The following NXPE3 variants were observed in gnomAD, a reference collection of about 807,000 sequenced individuals.
NXPE3 encodes neurexophilin and PC-esterase domain family member 3, also known as NXPE family member 3.
Under a neutral mutation model 46.1 loss-of-function variants are expected in NXPE3, and 26 were observed. The ratio of observed to expected loss-of-function variants is 0.56; its 90% CI spans 0.41 to 0.78. NXPE3 has a LOEUF of 0.78. Among genes scored for constraint, NXPE3 ranks in the 30% least tolerant of loss-of-function variants. The probability of loss-of-function intolerance (pLI) is 0.00; values close to 1 mark genes in which losing one functional copy is unlikely to be tolerated. For missense variants in NXPE3, 620 were observed against 686.0 expected (o/e 0.90, Z 1.07); for synonymous variants, 272 against 257.9 (o/e 1.05, Z -0.52).
chr3:101,821,890 A>G lies in NXPE3; in HGVS notation c.1616A>G (p.Asp539Gly). 1 of 1,614,174 alleles carries G rather than the reference A, an allele frequency of 6.2e-7. No individual in the cohort carries two copies. Among genetic ancestry groups the G allele is most frequent in the Non-Finnish European group, 8.5e-7 (1 of 1,180,038 alleles). ...AHYLPHKLHP[D>G]EVIVKNQLDM... Reference sequence around the variant, plus strand: ...TATCTACCGCACAAGCTGCATCCAGATGAAGTTATTGTGAAGAACCAGCTG... The same window carrying G: ...TATCTACCGCACAAGCTGCATCCAGGTGAAGTTATTGTGAAGAACCAGCTG... Residue 539 changes from aspartate to glycine, a missense_variant, in exon 8 of 8, where the codon GAT becomes GGT. Physicochemically the swap from Asp to Gly is moderately conservative, Grantham distance 94 (BLOSUM62 -1). This residue lies in a region of NXPE3 where 34 missense variants were observed against 36.2 expected (regional missense o/e 0.94). Transcript: ENST00000273347.
chr3:101,813,772 A>T (rs1037594213), intron 6 of NXPE3, among the ~76,000 whole-genome samples: 7 of 152,094 alleles, frequency 4.6e-5, no homozygotes, highest in African/African-American at 1.7e-4. Context: ...GGGTTATATT[A>T]TCTATTTAGG....
Position 101,785,504 on chromosome 3 carries a change from G to A in NXPE3, c.-93G>A. The A allele has an allele frequency of 9.4e-7, 1 of 1,069,026 alleles. No homozygotes were observed. 66.2% of individuals were successfully genotyped at this position (1,069,026 alleles called of 1,614,324 possible). On this transcript the variant is annotated 5_prime_UTR_variant, in exon 4 of 8. Coordinates refer to ENST00000273347, the MANE Select transcript of NXPE3 (RefSeq NM_145037.4). The stretch of plus-strand genomic sequence containing the variant: ...AGGATAGAAGCAAATGAAACTGAAA[G>A]CTCATCTGCAGCTCAGAAAAGCAAA...
chr3:101,820,606 G>A (rs542298494), intron 7 of NXPE3, among the ~76,000 whole-genome samples: 97 of 152,320 alleles, frequency 6.4e-4, no homozygotes, highest in African/African-American at 2.3e-3. Context: ...GTTCACGACA[G>A]CAAAGACGTG....
chr3:101,809,230 A>G (rs1375324326), intron 6 of NXPE3, among the ~76,000 whole-genome samples: 1 of 152,196 alleles, frequency 6.6e-6, no homozygotes, highest in African/African-American at 2.4e-5. Context: ...ACTATGAATT[A>G]GTAGGAGCAG....
At chr3:101,798,350 A>T (rs1487301184) in intron 4 of NXPE3, among the ~76,000 whole-genome samples, 1 of 152,056 alleles carries the variant, frequency 6.6e-6, no homozygotes, top group South Asian at 2.1e-4. Flanking sequence ...AAGTGATCAC[A>T]ATAAATGTTG....
intron 6 of NXPE3, among the ~76,000 whole-genome samples, chr3:101,809,560 A>T (rs1416311523): frequency 6.6e-6 from 1 of 152,168 alleles, no homozygotes; most frequent in Non-Finnish European, 1.5e-5. Context: ...GTGACTTTTA[A>T]TGTCTCTCAT....
chr3:101,813,233 TC>T (rs1294258648), intron 6 of NXPE3, among the ~76,000 whole-genome samples: 5 of 152,280 alleles, frequency 3.3e-5, no homozygotes, highest in Admixed American at 2.0e-4. Flanking sequence ...TGTCTTGTTT[TC>T]CCCCTTATAA....
rs1942434748 is a variant in NXPE3, at chr3:101,825,124, A to C, written c.*3170A>C. 1 of 152,214 alleles carries C rather than the reference A, an allele frequency of 6.6e-6. No individual in the cohort carries two copies. Among genetic ancestry groups the C allele is most frequent in the Non-Finnish European group, 1.5e-5 (1 of 68,042 alleles). The allele number at this position is 152,214 out of a possible 1,614,324, so 9.4% of individuals were successfully genotyped here. ...CCAGGTGTTAAGCCTAGTACCCATT[A>C]GTAATTTTTCCTGATCCTCTCCCTC... On this transcript the variant is annotated 3_prime_UTR_variant, in exon 8 of 8. Transcript: ENST00000273347.
At position 101,825,760 on chromosome 3, in the gene NXPE3, A is replaced by G. The variant is rs1349251675; in HGVS notation, c.*3806A>G. Reference sequence around the variant, plus strand: ...ATAGTTGGACATTTAGGTTTACAATATTAAAGCAGTGGTTTATATCAATTT... The same window carrying G: ...ATAGTTGGACATTTAGGTTTACAATGTTAAAGCAGTGGTTTATATCAATTT... On this transcript the variant is annotated 3_prime_UTR_variant, in exon 8 of 8. Transcript: ENST00000273347. 1 of 152,228 alleles carries G rather than the reference A, an allele frequency of 6.6e-6. No individual in the cohort carries two copies. The allele number at this position is 152,228 out of a possible 1,614,324, so 9.4% of individuals were successfully genotyped here.
intron 7 of NXPE3, among the ~76,000 whole-genome samples, chr3:101,819,893 C>G (rs1008878652): frequency 6.6e-6 from 1 of 152,170 alleles, no homozygotes; most frequent in Non-Finnish European, 1.5e-5. Flanking sequence ...CCCCATTGCA[C>G]CTACCCGTCT....
Position 101,816,782 on chromosome 3 carries a change from T to G in NXPE3, c.923-13T>G, listed in dbSNP as rs1416303414. 1 of 1,590,896 alleles carries G rather than the reference T, an allele frequency of 6.3e-7. No homozygotes were observed. The highest frequency in any genetic ancestry group is 1.7e-5 in the Admixed American group (1 of 57,232). The stretch of plus-strand genomic sequence containing the variant: ...AGAATATTAAAATATTTGTTTTTCT[T>G]TTTTCTTTGCAGAAACTAACAGTCT... On this transcript the variant is annotated splice_polypyrimidine_tract_variant and intron_variant, in intron 6 of 7. Transcript: ENST00000273347.
At chr3:101,820,415 T>C (rs1341745231) in intron 7 of NXPE3, among the ~76,000 whole-genome samples, 2 of 152,202 alleles carry the variant, frequency 1.3e-5, no homozygotes, top group African/African-American at 4.8e-5. Flanking sequence ...GTAACAATTA[T>C]ACACTGTTGG....
chr3:101,812,235 G>T (rs1941744015), intron 6 of NXPE3, among the ~76,000 whole-genome samples: 1 of 152,190 alleles, frequency 6.6e-6, no homozygotes, highest in Non-Finnish European at 1.5e-5. Flanking sequence ...TTATCTGGAT[G>T]CAGATGTCAA....
chr3:101,796,309 T>G (rs1436677993), intron 4 of NXPE3, among the ~76,000 whole-genome samples: 5 of 152,236 alleles, frequency 3.3e-5, no homozygotes, highest in Non-Finnish European at 5.9e-5. Flanking sequence ...GCCATCTGTT[T>G]GGTATTTCCT....
At chr3:101,783,677 A>G (rs528036383) in intron 3 of NXPE3, among the ~76,000 whole-genome samples, 2 of 152,312 alleles carry the variant, frequency 1.3e-5, no homozygotes, top group African/African-American at 4.8e-5. Context: ...GTGTCCACAC[A>G]ATGCATGACC....
In NXPE3 at chr3:101,822,439, C is replaced by G. The variant is rs1037653860; in HGVS notation, c.*485C>G. 6.5e-6 allele frequency: 1 copy of G among 154,066 alleles called. No homozygotes were observed. The highest frequency in any genetic ancestry group is 6.4e-5 in the Admixed American group (1 of 15,606). 9.5% of individuals were successfully genotyped at this position (154,066 alleles called of 1,614,324 possible). ...ATAGTCAGAGGCTCTTGTGAATGCA[C>G]TGAAGACTGCTGTGTCTCAGGAGTT... On this transcript the variant is annotated 3_prime_UTR_variant, in exon 8 of 8. Transcript: ENST00000273347.
In NXPE3 at chr3:101,822,579, A is replaced by G. The variant is rs1021184880; in HGVS notation, c.*625A>G. The stretch of plus-strand genomic sequence containing the variant: ...TTATCTAGAAAAGAAGCAAAAGGGA[A>G]ATATGAAAGCAGTATATATAAAATC... On this transcript the variant is annotated 3_prime_UTR_variant, in exon 8 of 8. Transcript: ENST00000273347. The G allele has an allele frequency of 2.0e-5, 3 of 152,300 alleles. No homozygotes were observed. Among genetic ancestry groups the G allele is most frequent in the Non-Finnish European group, 4.4e-5 (3 of 68,112 alleles). The allele number at this position is 152,300 out of a possible 1,614,324, so 9.4% of individuals were successfully genotyped here.
chr3:101,782,366 A>T (rs1939873021), intron 2 of NXPE3, 76 bp downstream of exon 2: 1 of 152,150 alleles, frequency 6.6e-6, no homozygotes, highest in African/African-American at 2.4e-5. Flanking sequence ...ATTCCCTGCC[A>T]ACACTGTTGT....
At chr3:101,817,054 A>G in intron 7 of NXPE3, 53 bp downstream of exon 7, 1 of 1,484,644 alleles carries the variant, frequency 6.7e-7, no homozygotes, top group Non-Finnish European at 9.4e-7. Context: ...GCTTTGAAAT[A>G]AGCAGACTCA....
Sources: gnomAD v4.1 joint callset for allele counts (sites outside exome capture counted in the v4.1 genomes callset) on GRCh38, gnomAD v4.1.1 for gene constraint, gnomAD v4.1.1 regional missense constraint, MANE v1.5 for transcripts, NCBI Gene and HGNC (gene_info 2026-07-23, HGNC 2026-07-21) for gene names.